The following MACF1 variants were observed in gnomAD, a reference collection of about 807,000 sequenced individuals.
MACF1 encodes the protein microtubule-actin cross-linking factor 1.
Under a neutral mutation model 854.8 loss-of-function variants are expected in MACF1, and 193 were observed. That is an observed-to-expected ratio of 0.23 (90% CI 0.20 to 0.25). The LOEUF is 0.25. Among genes scored for constraint, MACF1 ranks in the 10% least tolerant of loss-of-function variants. The pLI is 1.00. For synonymous variants in MACF1, 3,185 were observed against 3,226.7 expected (o/e 0.99, Z 0.44); for missense variants, 7,722 against 8,929.1 (o/e 0.86, Z 5.45).
intron 40 of MACF1, among the ~76,000 whole-genome samples, chr1:39,345,250 T>C (rs1211943383): frequency 6.6e-6 from 1 of 152,232 alleles, no homozygotes; most frequent in Non-Finnish European, 1.5e-5. Flanking sequence ...AATATAACTA[T>C]AACAAGAAAG....
chr1:39,235,736 G>A (rs890633474), intron 2 of MACF1, among the ~76,000 whole-genome samples: 3 of 152,100 alleles, frequency 2.0e-5, no homozygotes, highest in Non-Finnish European at 4.4e-5. Flanking sequence ...TAAATCAGAC[G>A]TATTCTCTCT....
At position 39,462,459 on chromosome 1, in the gene MACF1, C is replaced by T. The variant is rs113103117; in HGVS notation, c.21678+422C>T. Among the ~76,000 whole-genome samples, 786 of 151,966 alleles carry T rather than the reference C, an allele frequency of 5.2e-3. 6 individuals carry two copies. The highest frequency in any genetic ancestry group is 0.018 in the African/African-American group (726 of 41,396). On this transcript the variant is annotated intron_variant, in intron 93 of 100. Transcript: ENST00000564288. ...GTGGCTTACATCTGTAGCTCTAGCA[C>T]TTTGGGAGGCCAACACGGGAGGATC...
In MACF1 at chr1:39,334,279, A is replaced by G; in HGVS notation, c.7691A>G (p.Asp2564Gly). 6.2e-7 allele frequency: 1 copy of G among 1,613,872 alleles called. No homozygotes were observed. The change falls in exon 37 of 101, where the codon GAT (aspartate) becomes GGT (glycine). Residue 2564 changes from aspartate to glycine, a missense_variant. Asp to Gly is a moderately conservative substitution (Grantham distance 94). Around this residue, in one of 15 missense-constraint regions of MACF1, gnomAD observed 1,531 missense variants for 1,601.6 expected, o/e 0.96. Transcript: ENST00000564288. ...TCCCTCCCTAAAGCCATAAAATTAG[A>G]TCTTATTACCTCAGACCTGAAAAGA... ...NISLPKAIKL[D>G]LITSDLKREI...
intron 82 of MACF1, 24 bp from the exon 83 acceptor site, chr1:39,448,009 A>G: frequency 6.2e-7 from 1 of 1,613,656 alleles, no homozygotes; most frequent in South Asian, 1.1e-5. Flanking sequence ...CATTCCTGTT[A>G]ACTTATTTCT....
chr1:39,122,754 G>T (rs1439109347), intron 2 of MACF1, among the ~76,000 whole-genome samples: 2 of 152,180 alleles, frequency 1.3e-5, no homozygotes, highest in African/African-American at 4.8e-5. Context: ...GAGAAATGAT[G>T]AGAGTAAATA....
At chr1:39,311,212 G>C (rs1275630016) in intron 26 of MACF1, among the ~76,000 whole-genome samples, 1 of 152,256 alleles carries the variant, frequency 6.6e-6, no homozygotes, top group Non-Finnish European at 1.5e-5. Flanking sequence ...GTTTCCTACA[G>C]AGTTGAGAAG....
At chr1:39,438,243 C>A (rs537278933) in intron 71 of MACF1, among the ~76,000 whole-genome samples, 4 of 152,162 alleles carry the variant, frequency 2.6e-5, no homozygotes, top group Admixed American at 6.5e-5. Context: ...CTCCTTTAAC[C>A]CCTAACGTGA....
rs748124813 is a variant in MACF1, at chr1:39,468,580, C to CAT, written c.21772-28_21772-27dup. 17 of 1,519,514 alleles carry CAT rather than the reference C, an allele frequency of 1.1e-5. No individual in the cohort carries two copies. The East Asian group carries it at 3.8e-4, about 34-fold the overall frequency. The allele number at this position is 1,519,514 out of a possible 1,614,324, so 94.1% of individuals were successfully genotyped here. The stretch of plus-strand genomic sequence containing the variant: ...AGAAAAACATAGATCTGCTTTAAGA[C>CAT]ATATATATTAATTAAGTTTCCTTTG... On this transcript the variant is annotated intron_variant, in intron 95 of 100. Transcript: ENST00000564288.
rs770380750 is a variant in MACF1 at position 39,333,610 on chromosome 1, G to C, written c.7022G>C (p.Cys2341Ser). The C allele has an allele frequency of 6.2e-7, 1 of 1,614,194 alleles. No homozygotes were observed. The highest frequency in any genetic ancestry group is 8.5e-7 in the Non-Finnish European group (1 of 1,180,032). The change falls in exon 37 of 101, where the codon TGT becomes TCT. Residue 2341 changes from cysteine to serine, a missense_variant. Around this residue, in one of 15 missense-constraint regions of MACF1, gnomAD observed 1,531 missense variants for 1,601.6 expected, o/e 0.96. Transcript: ENST00000564288. ...MFQGFFDSQT[C>S]ESLTTEEVIN... is the part of the protein sequence containing the mutation. ...CAGGGGTTCTTTGACTCTCAGACTT[G>C]TGAGTCTTTGACAACTGAAGAAGTC...
chr1:39,388,796 T>C, intron 58 of MACF1, 138 bp downstream of exon 58: 1 of 721,614 alleles, frequency 1.4e-6, no homozygotes, highest in East Asian at 3.1e-5. Context: ...GCACACTGTC[T>C]GAAGACTAAA....
chr1:39,225,513 G>A lies in MACF1; in HGVS notation c.110-5669G>A, dbSNP rs528415310. The stretch of plus-strand genomic sequence containing the variant: ...TTACAGGCGTGAGCCACCACGCCCG[G>A]CCATAGCAAATTTTTCTAATTTAAG... On this transcript the variant is annotated intron_variant, in intron 1 of 100. Transcript: ENST00000564288. Among the ~76,000 whole-genome samples, 226 of 152,258 alleles carry A rather than the reference G, an allele frequency of 1.5e-3. 4 individuals are homozygous for A. Among genetic ancestry groups the A allele is most frequent in the Middle Eastern group, 6.8e-3 (2 of 294 alleles).
At chr1:39,299,836 T>C (rs1646004266) in intron 21 of MACF1, among the ~76,000 whole-genome samples, 1 of 152,226 alleles carries the variant, frequency 6.6e-6, no homozygotes, top group Non-Finnish European at 1.5e-5. Context: ...AATAATAATA[T>C]ACCTATTATT....
chr1:39,269,674 C>T, intron 6 of MACF1: 1 of 1,289,780 alleles, frequency 7.8e-7, no homozygotes, highest in Non-Finnish European at 1.0e-6. Context: ...GAGGATGGCA[C>T]TCTTTCTCTG....
chr1:39,441,299 G>A lies in MACF1; in HGVS notation c.18646G>A (p.Ala6216Thr), dbSNP rs1446894034. The A allele has an allele frequency of 6.2e-7, 1 of 1,614,116 alleles. No individual in the cohort carries two copies. The highest frequency in any genetic ancestry group is 1.7e-5 in the Admixed American group (1 of 60,026). The change falls in exon 74 of 101, where the codon GCT becomes ACT. Residue 6216 changes from alanine (A) to threonine (T), a missense_variant. This residue lies in a region of MACF1 where 2,807 missense variants were observed against 3,235.8 expected (regional missense o/e 0.87). Transcript: ENST00000564288. ...LEKLEDAMQA[A>T]VQYQDTLQAM... ...AAAACTTGAGGATGCTATGCAAGCT[G>A]CTGTGCAGTATCAGGACACTCTTCA...
At chr1:39,455,763 G>A (rs616470) in intron 89 of MACF1, among the ~76,000 whole-genome samples, 1 of 152,236 alleles carries the variant, frequency 6.6e-6, no homozygotes, top group South Asian at 2.1e-4. Context: ...TGAACCCAGT[G>A]GTCAGTGAAG....
chr1:39,423,126 C>G (rs773575604), intron 60 of MACF1, among the ~76,000 whole-genome samples: 7 of 152,130 alleles, frequency 4.6e-5, no homozygotes, highest in Non-Finnish European at 1.0e-4. Flanking sequence ...TATCCTATTT[C>G]AGTGTTCATC....
chr1:39,428,412 C>A, intron 63 of MACF1, 125 bp downstream of exon 63: 1 of 915,208 alleles, frequency 1.1e-6, no homozygotes, highest in African/African-American at 1.7e-5. Flanking sequence ...TACACAAGTG[C>A]ATAGTTAGTG....
At chr1:39,226,045 C>T (rs1644712293) in intron 1 of MACF1, among the ~76,000 whole-genome samples, 1 of 152,024 alleles carries the variant, frequency 6.6e-6, no homozygotes, top group Admixed American at 6.6e-5. Flanking sequence ...ATGGGCATAC[C>T]AACATAGGAT....
chr1:39,479,363 C>T (rs995208336), intron 97 of MACF1, among the ~76,000 whole-genome samples: 1 of 152,130 alleles, frequency 6.6e-6, no homozygotes, highest in African/African-American at 2.4e-5. Context: ...ATATCGATTT[C>T]AGTAATGTTT....
Sources: gnomAD v4.1 joint callset for allele counts (sites outside exome capture counted in the v4.1 genomes callset) on GRCh38, gnomAD v4.1.1 for gene constraint, gnomAD v4.1.1 regional missense constraint, MANE v1.5 for transcripts, NCBI Gene and HGNC (gene_info 2026-07-23, HGNC 2026-07-21) for gene names.